The following AKNA variants were observed in gnomAD, a reference collection of about 807,000 sequenced individuals.
The protein encoded by AKNA is AT-hook transcription factor.
A neutral mutation model predicts 138.8 loss-of-function variants in AKNA; 67 were observed. The ratio of observed to expected loss-of-function variants is 0.48; its 90% CI spans 0.40 to 0.59. AKNA has a LOEUF of 0.59. Among genes scored for constraint, AKNA ranks in the 20% least tolerant of loss-of-function variants. AKNA has a pLI of 0.00. For missense variants in AKNA, 1,813 were observed against 1,880.4 expected, an observed-to-expected ratio of 0.96 and a Z score of 0.66; for synonymous variants, 737 against 754.4, an observed-to-expected ratio of 0.98 and a Z score of 0.38.
chr9:114,372,976 G>T (rs552761338), intron 4 of AKNA, among the ~76,000 whole-genome samples: 3 of 134,470 alleles, frequency 2.2e-5, no homozygotes, highest in South Asian at 6.3e-4. Flanking sequence ...GGGGGGGGGG[G>T]GGTCCTGGTC....
At chr9:114,367,842 TG>T (rs1275389232) in intron 5 of AKNA, 145 bp from the exon 6 acceptor site, 5 of 913,260 alleles carry the variant, frequency 5.5e-6, no homozygotes, top group Non-Finnish European at 8.0e-6. Context: ...CCCCAGGAAG[TG>T]GGCTGGGTAG....
intron 14 of AKNA, 113 bp from the exon 15 acceptor site, chr9:114,351,134 T>C: frequency 8.8e-7 from 1 of 1,138,086 alleles, no homozygotes; most frequent in Non-Finnish European, 1.2e-6. Flanking sequence ...TAGTTCAAGG[T>C]CACAAAGGAA....
Position 114,366,417 on chromosome 9 carries a change from T to A in AKNA, c.1728+1126A>T, listed in dbSNP as rs370456415. ...TGCGTGAATCTATTGCTATGAGACA[T>A]CCACAATAGGCAAGCCTATAAAGAC... On this transcript the variant is annotated intron_variant, in intron 6 of 21. Coordinates refer to ENST00000374088, the MANE Select transcript of AKNA (RefSeq NM_001317950.2). Among the ~76,000 whole-genome samples, 176 of 152,074 alleles carry A rather than the reference T, an allele frequency of 1.2e-3. 5 individuals carry two copies. The South Asian group carries it at 0.033, about 28-fold the overall frequency.
chr9:114,360,346 G>A (rs1472962449), intron 9 of AKNA, among the ~76,000 whole-genome samples: 6 of 152,256 alleles, frequency 3.9e-5, no homozygotes, highest in Non-Finnish European at 7.4e-5. Context: ...CCATTTTATA[G>A]ACAGGTAACT....
At chr9:114,331,684 C>T (rs1829855609), downstream of AKNA, 2 of 1,608,998 alleles carry the variant, frequency 1.2e-6, no homozygotes, top group African/African-American at 1.3e-5. Context: ...GGTAGGCATG[C>T]TTAGCAGCCC....
intron 15 of AKNA, chr9:114,348,808 C>A: frequency 2.2e-6 from 1 of 453,038 alleles, no homozygotes. Flanking sequence ...TCAGCAAAGC[C>A]ACCCTCCAGG....
intron 2 of AKNA, 66 bp from the exon 3 acceptor site, chr9:114,377,598 A>C: frequency 6.9e-7 from 1 of 1,441,988 alleles, no homozygotes; most frequent in Middle Eastern, 1.8e-4. Flanking sequence ...AACTTACCCT[A>C]AGTCACTTCA....
At chr9:114,340,922 G>A (rs1345785329) in intron 21 of AKNA, among the ~76,000 whole-genome samples, 2 of 152,208 alleles carry the variant, frequency 1.3e-5, no homozygotes, top group African/African-American at 4.8e-5. Flanking sequence ...ACATGGGATC[G>A]TGGATGGGAT....
intron 8 of AKNA, 76 bp from the exon 9 acceptor site, chr9:114,361,987 A>T: frequency 6.8e-7 from 1 of 1,476,866 alleles, no homozygotes; most frequent in Non-Finnish European, 9.3e-7. Context: ...AGAGTATCAG[A>T]GCAGAGACTC....
chr9:114,383,537 G>A (rs559959993), intron 1 of AKNA, among the ~76,000 whole-genome samples: 1 of 152,296 alleles, frequency 6.6e-6, no homozygotes, highest in East Asian at 1.9e-4. Context: ...CCAGAGAGGG[G>A]AGAGGCCTTG....
upstream of AKNA, among the ~76,000 whole-genome samples, chr9:114,389,342 A>G (rs1312687654): frequency 6.6e-6 from 1 of 151,818 alleles, no homozygotes; most frequent in Non-Finnish European, 1.5e-5. Flanking sequence ...AAGAAAGAGG[A>G]AAAAAAACAG....
intron 11 of AKNA, 114 bp from the exon 12 acceptor site, chr9:114,358,281 C>T: frequency 1.4e-6 from 2 of 1,451,020 alleles, no homozygotes; most frequent in Non-Finnish European, 1.9e-6. Flanking sequence ...TCAGACATCC[C>T]TGGCTGCCCA....
At chr9:114,365,309 C>G (rs1588990153) in intron 6 of AKNA, among the ~76,000 whole-genome samples, 1 of 152,082 alleles carries the variant, frequency 6.6e-6, no homozygotes, top group African/African-American at 2.4e-5. Context: ...TTTAAGACTT[C>G]AAAAAGTCAA....
At chr9:114,358,368 A>T in intron 11 of AKNA, 1 of 613,888 alleles carries the variant, frequency 1.6e-6, no homozygotes, top group Non-Finnish European at 2.7e-6. Context: ...TTTCTCAACT[A>T]TAAAATATGG....
At chr9:114,383,202 A>C in intron 1 of AKNA, 2 of 455,804 alleles carry the variant, frequency 4.4e-6, no homozygotes, top group Non-Finnish European at 8.8e-6. Context: ...CACACGGGGG[A>C]CCCGTCAGGC....
chr9:114,364,063 T>C (rs1266351341), intron 7 of AKNA, among the ~76,000 whole-genome samples: 1 of 152,060 alleles, frequency 6.6e-6, no homozygotes, highest in East Asian at 1.9e-4. Flanking sequence ...TTGGCAACTA[T>C]TTTGTAATTT....
At position 114,356,917 on chromosome 9, in the gene AKNA, G is replaced by C; in HGVS notation, c.2792C>G (p.Thr931Arg). The C allele has an allele frequency of 6.4e-7, 1 of 1,571,576 alleles. No homozygotes were observed. The highest frequency in any genetic ancestry group is 8.6e-7 in the Non-Finnish European group (1 of 1,163,396). Residue 931 changes from threonine (T) to arginine (R), a missense_variant, in exon 13 of 22, where the codon ACA becomes AGA. Thr to Arg is a moderately conservative substitution (Grantham distance 71, BLOSUM62 -1). Coordinates refer to ENST00000374088, the MANE Select transcript of AKNA (RefSeq NM_001317950.2). The stretch of plus-strand genomic sequence containing the variant: ...CTGGGTGAGGGGTGAAACTCTGCTT[G>C]TTTCTGAGCCCACAAAGCCACTGTC... ...ETDSGFVGSE[T>R]SRVSPLTQTP...
At position 114,356,103 on chromosome 9, in the gene AKNA, T is replaced by C; in HGVS notation, c.2880A>G (p.Ala960=). ...AGGAAGCTCCATCCCTGGGCACAGA[T>C]GCAGCAAAGGGCTGGGCTAATGTTC... The part of the protein sequence containing the change: ...TAGTLAQPFA[A]SVPRDGASYP... The change falls in exon 14 of 22, where the codon GCA becomes GCG. Residue 960 remains alanine (A), a synonymous_variant. Transcript: ENST00000374088. The C allele has an allele frequency of 1.2e-6, 2 of 1,613,964 alleles. No individual in the cohort carries two copies. The highest frequency in any genetic ancestry group is 1.7e-6 in the Non-Finnish European group (2 of 1,180,000).
intron 14 of AKNA, among the ~76,000 whole-genome samples, chr9:114,354,915 C>T (rs1262991352): frequency 6.9e-6 from 1 of 145,456 alleles, no homozygotes; most frequent in Non-Finnish European, 1.5e-5. Flanking sequence ...GTCACCCAGG[C>T]TGGTGTGCAG....
Sources: allele counts gnomAD v4.1 joint callset (sites outside exome capture counted in the v4.1 genomes callset), GRCh38; gene constraint gnomAD v4.1.1; transcripts MANE v1.5; gene names NCBI Gene and HGNC (gene_info 2026-07-23, HGNC 2026-07-21).